Variants in SLC24A2 observed in about 807,000 individuals in gnomAD.
The protein encoded by SLC24A2 is solute carrier family 24 member 2, also known as sodium/potassium/calcium exchanger 2.
A neutral mutation model predicts 62.0 loss-of-function variants in SLC24A2; 36 were observed. That is an observed-to-expected ratio of 0.58 (90% CI 0.44 to 0.77). The LOEUF is 0.77. SLC24A2 is among the 30% of genes least tolerant of loss of function. SLC24A2 has a pLI of 0.00. For synonymous variants in SLC24A2, 358 were observed against 294.0 expected (o/e 1.22, Z -2.23); for missense variants, 846 against 817.9 (o/e 1.03, Z -0.42).
At chr9:20,060,467 C>T in the SLC24A2 span, among the ~76,000 whole-genome samples, 1 of 151,988 alleles carries the variant, frequency 6.6e-6, no homozygotes, top group South Asian at 2.1e-4. Flanking sequence ...GTGGGATTTG[C>T]CCTAGGAATG....
At chr9:19,879,945 A>C in the SLC24A2 span, among the ~76,000 whole-genome samples, 68 of 152,104 alleles carry the variant, frequency 4.5e-4, no homozygotes, top group Admixed American at 1.0e-3. Context: ...GGTTCTTAAC[A>C]TTTTCCTTGA....
chr9:20,071,344 G>C, the SLC24A2 span, among the ~76,000 whole-genome samples: 1 of 152,152 alleles, frequency 6.6e-6, no homozygotes, highest in Non-Finnish European at 1.5e-5. Context: ...AGGGGATTCA[G>C]GGTTTCCATT....
the SLC24A2 span, among the ~76,000 whole-genome samples, chr9:19,837,667 C>T: frequency 1.3e-5 from 2 of 151,894 alleles, no homozygotes; most frequent in Non-Finnish European, 2.9e-5. Context: ...ATCTAGAAAA[C>T]CCCATCGTCT....
chr9:20,213,363 TTCA>T, the SLC24A2 span, among the ~76,000 whole-genome samples: 4 of 151,804 alleles, frequency 2.6e-5, no homozygotes, highest in Non-Finnish European at 1.5e-5. Flanking sequence ...CTTAAATGTT[TTCA>T]TTATTAAGCA....
At chr9:20,106,394 A>C in the SLC24A2 span, among the ~76,000 whole-genome samples, 6 of 152,312 alleles carry the variant, frequency 3.9e-5, no homozygotes, top group South Asian at 1.2e-3. Context: ...AGACACAACC[A>C]AAAAAGAGAA....
intron 2 of SLC24A2, among the ~76,000 whole-genome samples, chr9:19,675,387 G>A (rs1032806836): frequency 4.6e-5 from 7 of 152,144 alleles, no homozygotes; most frequent in South Asian, 4.1e-4. Flanking sequence ...AGTATAGGGA[G>A]GATCAGGTGG....
chr9:19,955,375 AG>A, the SLC24A2 span, among the ~76,000 whole-genome samples: 56 of 110,802 alleles, frequency 5.1e-4, no homozygotes, highest in African/African-American at 1.8e-3. Context: ...AGAAATTCTC[AG>A]GTTTTTTTTT....
At position 19,786,281 on chromosome 9, in the gene SLC24A2, C is replaced by A; in HGVS notation, c.586G>T (p.Val196Leu). Reference protein sequence around the residue: ...APELFTSLIGVFIAHSNVGIG... With the variant: ...APELFTSLIGLFIAHSNVGIG... ...CCAACGTTGCTGTGAGCGATAAATA[C>A]CCCTATGAGAGATGTGAAAAGTTCT... The change falls in exon 2 of 11, where the codon GTA becomes TTA. Residue 196 changes from valine (V) to leucine (L), a missense_variant. Coordinates refer to ENST00000341998, the MANE Select transcript of SLC24A2 (RefSeq NM_020344.4). This position sits in a 1 kb window ranked among gnomAD's most constrained non-coding sequence, Gnocchi z 5.0. 1 of 1,614,128 alleles carries A rather than the reference C, an allele frequency of 6.2e-7. No individual in the cohort carries two copies. Among genetic ancestry groups the A allele is most frequent in the African/African-American group, 1.3e-5 (1 of 75,048 alleles).
At chr9:19,819,770 T>C in the SLC24A2 span, among the ~76,000 whole-genome samples, 1 of 151,932 alleles carries the variant, frequency 6.6e-6, no homozygotes, top group East Asian at 1.9e-4. Context: ...TGTAAACTAG[T>C]GCAGCCACTA....
the SLC24A2 span, among the ~76,000 whole-genome samples, chr9:20,080,561 G>GA: frequency 6.6e-6 from 1 of 152,070 alleles, no homozygotes; most frequent in Admixed American, 6.5e-5. Flanking sequence ...CAGGACATAG[G>GA]CATGGGCAAG....
At position 19,516,280 on chromosome 9, in the gene SLC24A2, G is replaced by C. The variant is rs1209064480; in HGVS notation, c.1859C>G (p.Ser620Cys). The change falls in exon 11 of 11, where the codon TCT becomes TGT. Residue 620 changes from serine (S) to cysteine (C), a missense_variant. By Grantham distance (112) the Ser-to-Cys change is moderately radical. Coordinates refer to ENST00000341998, the MANE Select transcript of SLC24A2 (RefSeq NM_020344.4). ...LFIMLLFVIL[S>C]IALCKWRMNK... ...CATTCGCCACTTGCAGAGGGCGATA[G>C]AGAGGATGACGAAGAGCAGCATGAT... 5 of 1,614,200 alleles carry C rather than the reference G, an allele frequency of 3.1e-6. No homozygotes were observed. The highest frequency in any genetic ancestry group is 4.2e-6 in the Non-Finnish European group (5 of 1,180,042).
At chr9:19,614,851 T>G (rs1272436687) in intron 4 of SLC24A2, among the ~76,000 whole-genome samples, 1 of 152,082 alleles carries the variant, frequency 6.6e-6, no homozygotes, top group Non-Finnish European at 1.5e-5. Context: ...TGAGGTCCTT[T>G]CAGACCTTCT....
chr9:20,176,650 A>G, the SLC24A2 span, among the ~76,000 whole-genome samples: 42 of 152,198 alleles, frequency 2.8e-4, no homozygotes, highest in African/African-American at 8.9e-4. Flanking sequence ...ATTTCCAGGA[A>G]TTCAGCCAGG....
the SLC24A2 span, among the ~76,000 whole-genome samples, chr9:19,846,496 T>A: frequency 6.6e-6 from 1 of 152,198 alleles, no homozygotes; most frequent in Non-Finnish European, 1.5e-5. Flanking sequence ...ACTTGTGAGG[T>A]GGGTCTCTTG....
At chr9:20,100,623 G>A in the SLC24A2 span, among the ~76,000 whole-genome samples, 1 of 152,136 alleles carries the variant, frequency 6.6e-6, no homozygotes, top group Non-Finnish European at 1.5e-5. Flanking sequence ...GACACTTAGT[G>A]TTCAACAAAT....
the SLC24A2 span, among the ~76,000 whole-genome samples, chr9:20,078,519 C>A: frequency 6.6e-6 from 1 of 152,144 alleles, no homozygotes; most frequent in Non-Finnish European, 1.5e-5. Flanking sequence ...TCCCTTCCAC[C>A]CTTCCACAAA....
the SLC24A2 span, among the ~76,000 whole-genome samples, chr9:20,025,209 T>C: frequency 2.7e-4 from 41 of 152,198 alleles, no homozygotes; most frequent in Non-Finnish European, 4.9e-4. Flanking sequence ...CACTAATGAA[T>C]TGTGTCCTGC....
chr9:20,298,767 T>C, the SLC24A2 span, among the ~76,000 whole-genome samples: 3 of 152,382 alleles, frequency 2.0e-5, no homozygotes, highest in South Asian at 6.2e-4. Context: ...TATCTTCATT[T>C]TAGAAATGAG....
the SLC24A2 span, among the ~76,000 whole-genome samples, chr9:19,932,255 G>C: frequency 1.3e-5 from 2 of 152,174 alleles, no homozygotes; most frequent in Non-Finnish European, 2.9e-5. Flanking sequence ...GAGTGTGTTG[G>C]GTAGAGATGA....
Sources: gnomAD v4.1 joint callset for allele counts (sites outside exome capture counted in the v4.1 genomes callset) on GRCh38, gnomAD v4.1.1 for gene constraint, Gnocchi (gnomAD v3.1) non-coding constraint, MANE v1.5 for transcripts, NCBI Gene and HGNC (gene_info 2026-07-23, HGNC 2026-07-21) for gene names.